Variants in LRRFIP1 observed in about 807,000 individuals in gnomAD.
LRRFIP1 encodes the protein LRR binding FLII interacting protein 1, also known as leucine-rich repeat flightless-interacting protein 1.
Under a neutral mutation model 104.4 loss-of-function variants are expected in LRRFIP1, and 62 were observed. The observed-to-expected ratio is 0.59, with a 90% CI of 0.48 to 0.73. The LOEUF (loss-of-function observed/expected upper bound fraction) is 0.73, where lower values mean the gene tolerates loss of function less well. Among genes scored for constraint, LRRFIP1 ranks in the 30% least tolerant of loss-of-function variants. LRRFIP1 has a pLI of 0.00. For synonymous variants in LRRFIP1, 300 were observed against 299.0 expected, an observed-to-expected ratio of 1.00 and a Z score of -0.03; for missense variants, 796 against 824.5, an observed-to-expected ratio of 0.97 and a Z score of 0.42.
At chr2:237,755,509 G>A (rs1218427447) in intron 15 of LRRFIP1, among the ~76,000 whole-genome samples, 3 of 152,214 alleles carry the variant, frequency 2.0e-5, no homozygotes, top group Non-Finnish European at 2.9e-5. Context: ...GGGGCCCTTC[G>A]TCGGCTCTTG....
intron 11 of LRRFIP1, among the ~76,000 whole-genome samples, chr2:237,739,627 C>A (rs181322797): frequency 6.6e-6 from 1 of 152,110 alleles, no homozygotes; most frequent in East Asian, 1.9e-4. Context: ...GTGATCAGAC[C>A]CCGACAGTGT....
intron 12 of LRRFIP1, 139 bp from the exon 13 acceptor site, chr2:237,749,060 A>G: frequency 2.5e-6 from 2 of 796,716 alleles, no homozygotes; most frequent in Non-Finnish European, 3.8e-6. Flanking sequence ...CATGGGGGAA[A>G]CTGCCCCCGT....
chr2:237,713,058 G>T (rs1004180538), intron 2 of LRRFIP1, among the ~76,000 whole-genome samples: 4 of 151,946 alleles, frequency 2.6e-5, no homozygotes, highest in African/African-American at 9.7e-5. Context: ...CAGGCTCAGG[G>T]TTTTCTTGAG....
At position 237,676,381 on chromosome 2, in the gene LRRFIP1, G is replaced by A. The variant is rs1006893608; in HGVS notation, c.97-32163G>A. Among the ~76,000 whole-genome samples, 7 of 152,274 alleles carry A rather than the reference G, an allele frequency of 4.6e-5. No individual in the cohort carries two copies. The South Asian group carries it at 6.2e-4, about 14-fold the overall frequency. On this transcript the variant is annotated intron_variant, in intron 1 of 23. Transcript: ENST00000308482. ...AACTGTTGTTGAATCCCATGTTGCC[G>A]GTCCTGATGGTTATCTTTCTAGTGA...
intron 1 of LRRFIP1, among the ~76,000 whole-genome samples, chr2:237,660,642 T>C (rs6725315): frequency 0.16 from 25,080 of 152,218 alleles, 2,517 homozygotes; most frequent in South Asian, 0.33. Context: ...GCTGCAGTCT[T>C]GCTTGTAGCA....
At position 237,753,491 on chromosome 2, in the gene LRRFIP1, TA is replaced by T. The variant is rs750801123; in HGVS notation, c.1038+13del. On this transcript the variant is annotated intron_variant, in intron 15 of 23. Transcript: ENST00000308482. ...AAGAGAAAAACAAAGTAAGCATTAG[TA>T]TGATACAGAATGTTAACAATAGGCT... 3 of 1,573,342 alleles carry T rather than the reference TA, an allele frequency of 1.9e-6. No homozygotes were observed. The highest frequency in any genetic ancestry group is 2.4e-5 in the South Asian group (2 of 84,012).
chr2:237,668,601 A>T (rs1419971114), intron 1 of LRRFIP1, among the ~76,000 whole-genome samples: 1 of 152,060 alleles, frequency 6.6e-6, no homozygotes, highest in African/African-American at 2.4e-5. Flanking sequence ...AGCGTTTCCC[A>T]TCATTTTCCA....
chr2:237,662,348 A>C (rs866755053), intron 1 of LRRFIP1, among the ~76,000 whole-genome samples: 1 of 152,106 alleles, frequency 6.6e-6, no homozygotes, highest in African/African-American at 2.4e-5. Flanking sequence ...ATAAGGCCCC[A>C]TCCACGGGTT....
At chr2:237,753,236 TAACAGAA>T in intron 14 of LRRFIP1, 66 bp from the exon 15 acceptor site, 1 of 1,208,652 alleles carries the variant, frequency 8.3e-7, no homozygotes, top group Non-Finnish European at 1.1e-6. Context: ...GGTTTTTTTT[TAACAGAA>T]TACTGAATGA....
rs906842129 is a variant in LRRFIP1, at chr2:237,661,080, C to T, written c.96+33340C>T. The stretch of plus-strand genomic sequence containing the variant: ...TAACATGCCATCTCTGCTCTCCCAC[C>T]GCTTCCTGGGTTGGGCTGCGGGGAG... On this transcript the variant is annotated intron_variant, in intron 1 of 23. Coordinates refer to ENST00000308482, the MANE Select transcript of LRRFIP1 (RefSeq NM_001137550.2). The surrounding 1 kb of genome is among the most constrained non-coding windows in gnomAD (Gnocchi z 4.4). Among the ~76,000 whole-genome samples, 2 of 152,132 alleles carry T rather than the reference C, an allele frequency of 1.3e-5. No individual in the cohort carries two copies. Among genetic ancestry groups the T allele is most frequent in the Admixed American group, 1.3e-4 (2 of 15,288 alleles).
intron 1 of LRRFIP1, among the ~76,000 whole-genome samples, chr2:237,673,433 CCTT>C (rs1354361185): frequency 2.6e-5 from 4 of 152,226 alleles, no homozygotes; most frequent in Non-Finnish European, 4.4e-5. Flanking sequence ...GTCAGATTCA[CCTT>C]CTCCCTGCAC....
Position 237,760,351 on chromosome 2 carries a change from C to A in LRRFIP1, c.1459+146C>A. The A allele has an allele frequency of 3.1e-6, 3 of 955,250 alleles. No homozygotes were observed. The Admixed American group carries it at 8.6e-5, about 27-fold the overall frequency. 59.2% of individuals were successfully genotyped at this position (955,250 alleles called of 1,614,324 possible). On this transcript the variant is annotated intron_variant, in intron 19 of 23. Coordinates refer to ENST00000308482, the MANE Select transcript of LRRFIP1 (RefSeq NM_001137550.2). ...TGTTTCATCACTTCATGGTAATTTC[C>A]TTGCCCACCCGGTGTGGTCACCCAC...
At chr2:237,774,835 G>A (rs1215824403) in intron 23 of LRRFIP1, among the ~76,000 whole-genome samples, 5 of 152,262 alleles carry the variant, frequency 3.3e-5, no homozygotes, top group Admixed American at 2.0e-4. Context: ...CTGTGGCCAA[G>A]AGCTGGGTGT....
At chr2:237,693,729 T>G (rs1483184671) in intron 1 of LRRFIP1, among the ~76,000 whole-genome samples, 1 of 151,742 alleles carries the variant, frequency 6.6e-6, no homozygotes, top group African/African-American at 2.4e-5. Context: ...AGGATGGAGG[T>G]GAAGAGCTGC....
At chr2:237,775,007 T>C (rs1234413022) in intron 23 of LRRFIP1, among the ~76,000 whole-genome samples, 2 of 152,272 alleles carry the variant, frequency 1.3e-5, no homozygotes, top group African/African-American at 4.8e-5. Flanking sequence ...CAAAGTTGTT[T>C]GTTCAACAAA....
At chr2:237,758,261 C>A (rs2059496038) in intron 17 of LRRFIP1, among the ~76,000 whole-genome samples, 1 of 151,400 alleles carries the variant, frequency 6.6e-6, no homozygotes, top group Non-Finnish European at 1.5e-5. Context: ...TGCACGCACA[C>A]TTTAGGACCA....
chr2:237,763,336 A>C (rs765954737), intron 19 of LRRFIP1: 6 of 1,614,206 alleles, frequency 3.7e-6, no homozygotes, highest in Non-Finnish European at 4.2e-6. Flanking sequence ...TAGACACTCA[A>C]AATGAACCCT....
At chr2:237,637,358 C>T (rs2083262751) in intron 1 of LRRFIP1, among the ~76,000 whole-genome samples, 1 of 152,126 alleles carries the variant, frequency 6.6e-6, no homozygotes, top group Admixed American at 6.6e-5. Flanking sequence ...GTCTCAGCTA[C>T]TCGGGGGGCT....
chr2:237,747,605 CAG>C (rs1238446868), intron 11 of LRRFIP1, among the ~76,000 whole-genome samples: 1 of 152,194 alleles, frequency 6.6e-6, no homozygotes, highest in Non-Finnish European at 1.5e-5. Context: ...ACGGTGACTG[CAG>C]AGTCCCAGGT....
Sources: allele counts gnomAD v4.1 joint callset (sites outside exome capture counted in the v4.1 genomes callset), GRCh38; gene constraint gnomAD v4.1.1; non-coding constraint Gnocchi (gnomAD v3.1); transcripts MANE v1.5; gene names NCBI Gene and HGNC (gene_info 2026-07-23, HGNC 2026-07-21).